TRPA1: variants seen among roughly 807,000 people sequenced by gnomAD.
The protein encoded by TRPA1 is ankyrin-like with transmembrane domains 1.
Under a neutral mutation model 131.3 loss-of-function variants are expected in TRPA1, and 129 were observed. That is an observed-to-expected ratio of 0.98 (90% CI 0.85 to 1.14). The LOEUF is 1.14. TRPA1 is among the 50% of genes most tolerant of loss of function. The pLI, the probability that TRPA1 is intolerant of heterozygous loss-of-function variation, is 0.00. For synonymous variants in TRPA1, 441 were observed against 451.7 expected, an observed-to-expected ratio of 0.98 and a Z score of 0.30; for missense variants, 1,304 against 1,354.2, an observed-to-expected ratio of 0.96 and a Z score of 0.58.
At chr8:72,086,571 AT>A in the TRPA1 span, among the ~76,000 whole-genome samples, 1 of 152,332 alleles carries the variant, frequency 6.6e-6, no homozygotes, top group South Asian at 2.1e-4. Flanking sequence ...AAATTGGAAG[AT>A]TTTGACGTTA....
intron 13 of TRPA1, 58 bp downstream of exon 13, chr8:72,053,695 T>C: frequency 2.4e-6 from 3 of 1,271,544 alleles, no homozygotes; most frequent in Non-Finnish European, 3.4e-6. Context: ...TTTCTGGCAA[T>C]GTTGGAAGTT....
Position 72,050,867 on chromosome 8 carries a change from C to T in TRPA1, c.1816G>A (p.Asp606Asn), listed in dbSNP as rs1352827754. ...TGACTGAAAATCTTAAGACATTCAT[C>T]CCATCTGTAAAAAATAAATAAGTAA... ...VLTIIRSKRW[D>N]ECLKIFSHNS... The change falls in exon 15 of 27, where the codon GAT becomes AAT. Residue 606 changes from aspartate to asparagine, a missense_variant. Transcript: ENST00000262209. The T allele has an allele frequency of 6.2e-7, 1 of 1,602,340 alleles. No individual in the cohort carries two copies. Among genetic ancestry groups the T allele is most frequent in the South Asian group, 1.1e-5 (1 of 90,850 alleles).
chr8:72,046,658 A>G, intron 16 of TRPA1, 50 bp from the exon 17 acceptor site: 2 of 947,712 alleles, frequency 2.1e-6, no homozygotes, highest in South Asian at 1.5e-5. Flanking sequence ...AGTCAAGTAT[A>G]GAATCCCCAA....
intron 3 of TRPA1, among the ~76,000 whole-genome samples, chr8:72,068,640 A>T (rs1805985191): frequency 2.0e-5 from 3 of 152,304 alleles, no homozygotes; most frequent in Admixed American, 1.3e-4. Context: ...ATGAAAACAA[A>T]ATTCCTTAGT....
chr8:72,032,753 C>T (rs530174654), intron 23 of TRPA1, among the ~76,000 whole-genome samples: 3 of 152,264 alleles, frequency 2.0e-5, no homozygotes, highest in East Asian at 1.9e-4. Flanking sequence ...TTTTCTAGGT[C>T]ACCAAAATAA....
At chr8:72,087,613 A>T in the TRPA1 span, among the ~76,000 whole-genome samples, 1 of 130,714 alleles carries the variant, frequency 7.7e-6, no homozygotes, top group South Asian at 2.6e-4. Context: ...TTTGTTTTTC[A>T]GTTATATGGA....
chr8:72,087,058 C>CTT, the TRPA1 span, among the ~76,000 whole-genome samples: 1 of 152,084 alleles, frequency 6.6e-6, no homozygotes, highest in South Asian at 2.1e-4. Context: ...TTTACTACTT[C>CTT]TTTGAAGGCT....
chr8:72,057,210 T>A (rs911196607), intron 9 of TRPA1, among the ~76,000 whole-genome samples, 193 bp from the exon 10 acceptor site: 6 of 152,208 alleles, frequency 3.9e-5, no homozygotes, highest in Non-Finnish European at 8.8e-5. Context: ...TGTGTGTGTG[T>A]CTGTATGTGT....
upstream of TRPA1, among the ~76,000 whole-genome samples, chr8:72,078,563 C>G (rs192784908): frequency 6.6e-6 from 1 of 152,084 alleles, no homozygotes; most frequent in East Asian, 1.9e-4. Flanking sequence ...TGAGATTAAC[C>G]CACATTGTAC....
upstream of TRPA1, among the ~76,000 whole-genome samples, chr8:72,075,926 T>C (rs1002980715): frequency 6.6e-5 from 9 of 136,516 alleles, no homozygotes; most frequent in Non-Finnish European, 1.3e-4. Context: ...GGGTGGGGGG[T>C]GTAAAGAGAG....
Position 72,069,087 on chromosome 8 carries a change from C to T in TRPA1, c.380G>A (p.Arg127Gln), listed in dbSNP as rs764424412. Residue 127 changes from arginine (R) to glutamine (Q), a missense_variant, in exon 3 of 27, where the codon CGA becomes CAA. By Grantham distance (43) the Arg-to-Gln change is conservative. Coordinates refer to ENST00000262209, the MANE Select transcript of TRPA1 (RefSeq NM_007332.3). ...GAGAGGAGCCATCATGTTGAAGTTTCGGAGATTTGGGTTTGCTCCTCTGCT... is the reference window on the plus strand; with the variant it reads ...GAGAGGAGCCATCATGTTGAAGTTTTGGAGATTTGGGTTTGCTCCTCTGCT... The part of the protein sequence containing the change: ...LLSRGANPNL[R>Q]NFNMMAPLHI... 21 of 1,614,028 alleles carry T rather than the reference C, an allele frequency of 1.3e-5. No homozygotes were observed. Among genetic ancestry groups the T allele is most frequent in the African/African-American group, 2.7e-5 (2 of 74,906 alleles).
chr8:72,050,797 T>C lies in TRPA1; in HGVS notation c.1886A>G (p.Tyr629Cys). Residue 629 changes from tyrosine to cysteine, a missense_variant, in exon 15 of 27, where the codon TAC becomes TGC. Coordinates refer to ENST00000262209, the MANE Select transcript of TRPA1 (RefSeq NM_007332.3). ...ATTTACCTTCATGCATTCAGGGAGG[T>C]ATTCTATCATTTCTGTAATTGGACA... ...NKCPITEMIE[Y>C]LPECMKVLLD... 6.2e-7 allele frequency: 1 copy of C among 1,610,922 alleles called. No homozygotes were observed. Among genetic ancestry groups the C allele is most frequent in the Non-Finnish European group, 8.5e-7 (1 of 1,178,030 alleles).
chr8:72,071,936 G>C, intron 1 of TRPA1, 69 bp from the exon 2 acceptor site: 1 of 1,417,724 alleles, frequency 7.1e-7, no homozygotes, highest in Non-Finnish European at 9.9e-7. Context: ...TCATTTTATA[G>C]CCTGAAAGAA....
In TRPA1 at chr8:72,063,437, T is replaced by C; in HGVS notation, c.661+26A>G. ...CACCAAAATAGACTTATTTATAGTATATAACATAGAAAAGCCTCAACTCAC... is the reference window on the plus strand; with the variant it reads ...CACCAAAATAGACTTATTTATAGTACATAACATAGAAAAGCCTCAACTCAC... On this transcript the variant is annotated intron_variant, in intron 5 of 26. Transcript: ENST00000262209. 2.0e-6 allele frequency: 3 copies of C among 1,475,972 alleles called. No homozygotes were observed. In the African/African-American group the frequency reaches 4.2e-5, roughly 21 times the overall value. The allele number at this position is 1,475,972 out of a possible 1,614,324, so 91.4% of individuals were successfully genotyped here. A position where few individuals can be genotyped will look rare whatever the true frequency, so the allele number is the denominator to read the frequency against.
chr8:72,056,076 T>A (rs1217235475), intron 10 of TRPA1: 1 of 589,532 alleles, frequency 1.7e-6, no homozygotes, highest in Non-Finnish European at 3.0e-6. Context: ...TGTACATTAC[T>A]GTATTAAAGG....
intron 8 of TRPA1, 115 bp downstream of exon 8, chr8:72,059,275 G>T: frequency 4.2e-6 from 3 of 708,420 alleles, no homozygotes; most frequent in South Asian, 2.0e-5. Flanking sequence ...TATACTTTTT[G>T]CTGATAAGCA....
At chr8:72,037,821 TCTA>T (rs1812107372) in intron 20 of TRPA1, among the ~76,000 whole-genome samples, 159 bp downstream of exon 20, 1 of 152,058 alleles carries the variant, frequency 6.6e-6, no homozygotes. Context: ...TCATGTGATT[TCTA>T]CATTTTGAAA....
intron 9 of TRPA1, 145 bp from the exon 10 acceptor site, chr8:72,057,162 TA>T: frequency 3.0e-6 from 2 of 661,444 alleles, no homozygotes; most frequent in South Asian, 4.0e-5. Context: ...ATGAGAAAAC[TA>T]AACATATTTA....
intron 23 of TRPA1, among the ~76,000 whole-genome samples, chr8:72,031,462 C>T (rs1311870089): frequency 6.6e-6 from 1 of 151,950 alleles, no homozygotes; most frequent in Non-Finnish European, 1.5e-5. Context: ...CCTGTAGTTA[C>T]AGCTTCTGGG....
Sources: gnomAD v4.1 joint callset for allele counts (sites outside exome capture counted in the v4.1 genomes callset) on GRCh38, gnomAD v4.1.1 for gene constraint, MANE v1.5 for transcripts, NCBI Gene and HGNC (gene_info 2026-07-23, HGNC 2026-07-21) for gene names.